KHNYN: variants seen among roughly 807,000 people sequenced by gnomAD.
The protein encoded by KHNYN is protein KHNYN.
In KHNYN, 42 loss-of-function variants were observed where a neutral mutation model predicts 62.7. The ratio of observed to expected loss-of-function variants is 0.67; its 90% CI spans 0.52 to 0.87. KHNYN has a LOEUF of 0.87. KHNYN is among the 40% of genes least tolerant of loss of function. The probability of loss-of-function intolerance (pLI) is 0.00; values close to 1 mark genes in which losing one functional copy is unlikely to be tolerated. For missense variants in KHNYN, 829 were observed against 874.1 expected (o/e 0.95, Z 0.65); for synonymous variants, 347 against 345.6 (o/e 1.00, Z -0.04).
Position 24,432,500 on chromosome 14 carries a change from A to G in KHNYN, c.1239A>G (p.Thr413=). ...GARGGNLVTG[T]QRFKEALQDP... is the part of the protein sequence containing the mutation. Reference sequence around the variant, plus strand: ...GAGGGGGCAACTTGGTGACTGGCACACAGCGTTTCAAGGAGGCCCTGCAGG... The same window carrying G: ...GAGGGGGCAACTTGGTGACTGGCACGCAGCGTTTCAAGGAGGCCCTGCAGG... Residue 413 remains threonine, a synonymous_variant, in exon 3 of 8, where the codon ACA becomes ACG. Transcript: ENST00000553935. This position sits in a 1 kb window ranked among gnomAD's most constrained non-coding sequence, Gnocchi z 5.6. 6.2e-7 allele frequency: 1 copy of G among 1,613,846 alleles called. No individual in the cohort carries two copies. The highest frequency in any genetic ancestry group is 8.5e-7 in the Non-Finnish European group (1 of 1,179,980).
At chr14:24,426,096 A>G (rs1323289159), upstream of KHNYN, among the ~76,000 whole-genome samples, 1 of 152,246 alleles carries the variant, frequency 6.6e-6, no homozygotes, top group African/African-American at 2.4e-5. Context: ...CACACTTTAT[A>G]GTGACTTCTT....
intron 1 of KHNYN, chr14:24,430,413 T>C: frequency 3.4e-6 from 4 of 1,189,354 alleles, no homozygotes; most frequent in Non-Finnish European, 3.2e-6. Flanking sequence ...GGAGACTCCT[T>C]CTGGCCTCCA....
chr14:24,433,101 A>G, intron 5 of KHNYN, 69 bp downstream of exon 5: 1 of 1,402,490 alleles, frequency 7.1e-7, no homozygotes. Context: ...GGGAGAGAGA[A>G]AAGCTCCTGG....
chr14:24,428,784 C>T, upstream of KHNYN: 1 of 1,604,440 alleles, frequency 6.2e-7, no homozygotes, highest in Non-Finnish European at 8.5e-7. Context: ...CCACTGGTGC[C>T]ATTGCCGGTT....
upstream of KHNYN, among the ~76,000 whole-genome samples, chr14:24,425,474 T>A (rs1335472162): frequency 6.6e-6 from 1 of 152,184 alleles, no homozygotes; most frequent in Admixed American, 6.5e-5. Flanking sequence ...ATGTAATGTC[T>A]GGAGCTCAGG....
chr14:24,427,631 T>C (rs557444186), upstream of KHNYN: 2 of 730,786 alleles, frequency 2.7e-6, no homozygotes, highest in African/African-American at 1.8e-5. This position sits in a 1 kb window ranked among gnomAD's most constrained non-coding sequence, Gnocchi z 4.4. Flanking sequence ...ACAGCTCTAC[T>C]CTTCTCTTAA....
intron 5 of KHNYN, among the ~76,000 whole-genome samples, chr14:24,435,134 A>T (rs1217335698): frequency 6.6e-6 from 1 of 152,230 alleles, no homozygotes. Flanking sequence ...ATTTTTTAAA[A>T]AAGTTCCCTT....
chr14:24,429,174 A>C (rs978181376), upstream of KHNYN: 39 of 1,044,938 alleles, frequency 3.7e-5, no homozygotes, highest in Non-Finnish European at 4.9e-5. Context: ...GGCTCGCTGA[A>C]CCCCCTCTCC....
chr14:24,430,900 A>G lies in KHNYN; in HGVS notation c.170A>G (p.Glu57Gly), dbSNP rs1402277127. Reference sequence around the variant, plus strand: ...AACCCCCACATCTGGCTGCAGCTGGAGGGCCCCAAGGAAAACGCCAGCAGA... The same window carrying G: ...AACCCCCACATCTGGCTGCAGCTGGGGGGCCCCAAGGAAAACGCCAGCAGA... ...PDNPHIWLQL[E>G]GPKENASRAK... Residue 57 changes from glutamate to glycine, a missense_variant, in exon 2 of 8, where the codon GAG (glutamate) becomes GGG (glycine). Transcript: ENST00000553935. 1 of 1,613,588 alleles carries G rather than the reference A, an allele frequency of 6.2e-7. No individual in the cohort carries two copies. Among genetic ancestry groups the G allele is most frequent in the African/African-American group, 1.3e-5 (1 of 75,048 alleles).
At position 24,440,529 on chromosome 14, in the gene KHNYN, C is replaced by G. The variant is rs919143929; in HGVS notation, c.*3244C>G. On this transcript the variant is annotated 3_prime_UTR_variant, in exon 8 of 8. Transcript: ENST00000553935. ...AAGAGGGAAGGTACAGGGGTCCTCTCAGCCTTGAAGGAGCCCACTGCTCCT... is the reference window on the plus strand; with the variant it reads ...AAGAGGGAAGGTACAGGGGTCCTCTGAGCCTTGAAGGAGCCCACTGCTCCT... The G allele has an allele frequency of 1.3e-6, 2 of 1,568,226 alleles. No homozygotes were observed. The highest frequency in any genetic ancestry group is 1.7e-6 in the Non-Finnish European group (2 of 1,156,490).
At chr14:24,429,630 G>A, upstream of KHNYN, 7 of 1,114,710 alleles carry the variant, frequency 6.3e-6, no homozygotes, top group South Asian at 9.5e-5. Context: ...TTGCTTTGGT[G>A]GAAAGTGCTT....
In KHNYN at chr14:24,437,473, G is replaced by A; in HGVS notation, c.*188G>A. The A allele has an allele frequency of 1.6e-6, 1 of 636,470 alleles. No homozygotes were observed. The highest frequency in any genetic ancestry group is 2.6e-6 in the Non-Finnish European group (1 of 380,972). The allele number at this position is 636,470 out of a possible 1,614,324, so 39.4% of individuals were successfully genotyped here. ...TCTTACCGAGTCAGGACCTCAGCCA[G>A]CTCTCAAGAGGTTCTGCTCAGCCTT... On this transcript the variant is annotated 3_prime_UTR_variant, in exon 8 of 8. Coordinates refer to ENST00000553935, the MANE Select transcript of KHNYN (RefSeq NM_015299.3). The surrounding 1 kb of genome is among the most constrained non-coding windows in gnomAD (Gnocchi z 5.5).
At chr14:24,425,840 C>T (rs547921522), upstream of KHNYN, among the ~76,000 whole-genome samples, 1 of 152,290 alleles carries the variant, frequency 6.6e-6, no homozygotes, top group South Asian at 2.1e-4. Context: ...TGTTTTTCTT[C>T]TTAGTTGCAA....
Position 24,436,195 on chromosome 14 carries a change from C to T in KHNYN, c.1685+16C>T, listed in dbSNP as rs200962425. The T allele has an allele frequency of 1.1e-4, 181 of 1,592,796 alleles. 3 individuals carry two copies. In the South Asian group the frequency reaches 1.4e-3, roughly 12 times the overall value. On this transcript the variant is annotated intron_variant, in intron 6 of 7. Transcript: ENST00000553935. ...TCAGAGAACGGTGAGGGAGCCCTCC[C>T]GCTGAGAACTGGGCACAGATGCAGA...
intron 5 of KHNYN, 88 bp from the exon 6 acceptor site, chr14:24,435,984 T>A: frequency 1.0e-6 from 1 of 997,704 alleles, no homozygotes. Flanking sequence ...AGTCTAGGCT[T>A]TTAATGTAAC....
upstream of KHNYN, chr14:24,428,970 C>A (rs748289588): frequency 1.3e-6 from 2 of 1,551,010 alleles, no homozygotes; most frequent in South Asian, 1.2e-5. Context: ...GCCCACCCGG[C>A]CCCCAGGGCC....
intron 7 of KHNYN, 62 bp from the exon 8 acceptor site, chr14:24,436,974 C>T: frequency 1.3e-6 from 2 of 1,559,200 alleles, no homozygotes; most frequent in Non-Finnish European, 1.7e-6. Flanking sequence ...GAGGGGTGCC[C>T]ACTAAGATCT....
At chr14:24,425,470 T>C (rs2043011247), upstream of KHNYN, among the ~76,000 whole-genome samples, 1 of 152,166 alleles carries the variant, frequency 6.6e-6, no homozygotes, top group South Asian at 2.1e-4. Flanking sequence ...GCTGATGTAA[T>C]GTCTGGAGCT....
rs1278470209 is a variant in KHNYN at position 24,432,278 on chromosome 14, A to G, written c.1017A>G (p.Arg339=). 3 of 1,613,642 alleles carry G rather than the reference A, an allele frequency of 1.9e-6. No homozygotes were observed. Among genetic ancestry groups the G allele is most frequent in the Non-Finnish European group, 1.7e-6 (2 of 1,179,816 alleles). ...HGSCHRAAQS[R]GASLLQRLHN... is the part of the protein sequence containing the mutation. ...CCTGTCACAGGGCAGCTCAGTCCCG[A>G]GGAGCCTCCCTCCTCCAGCGGCTCC... The change falls in exon 3 of 8, where the codon CGA becomes CGG. Residue 339 remains arginine, a synonymous_variant. Coordinates refer to ENST00000553935, the MANE Select transcript of KHNYN (RefSeq NM_015299.3). This position sits in a 1 kb window ranked among gnomAD's most constrained non-coding sequence, Gnocchi z 5.6.
Sources: gnomAD v4.1 joint callset for allele counts (sites outside exome capture counted in the v4.1 genomes callset) on GRCh38, gnomAD v4.1.1 for gene constraint, Gnocchi (gnomAD v3.1) non-coding constraint, MANE v1.5 for transcripts, NCBI Gene and HGNC (gene_info 2026-07-23, HGNC 2026-07-21) for gene names.